Variants in MED12L observed in about 807,000 individuals in gnomAD.
MED12L encodes the protein mediator complex subunit 12L.
In MED12L, 60 loss-of-function variants were observed where a neutral mutation model predicts 281.3. The ratio of observed to expected loss-of-function variants is 0.21; its 90% CI spans 0.17 to 0.26. The LOEUF (loss-of-function observed/expected upper bound fraction) is 0.26. MED12L is among the 10% of genes least tolerant of loss of function. The pLI is 1.00. For missense variants in MED12L, 2,146 were observed against 2,680.9 expected, an observed-to-expected ratio of 0.80 and a Z score of 4.41; for synonymous variants, 974 against 987.2, an observed-to-expected ratio of 0.99 and a Z score of 0.25.
intron 25 of MED12L, among the ~76,000 whole-genome samples, chr3:151,368,693 TCA>T (rs1282165890): frequency 0.024 from 1,033 of 42,288 alleles, 9 homozygotes; most frequent in South Asian, 0.07. Flanking sequence ...TCATTTTATT[TCA>T]TTTCATTTCA....
chr3:151,355,798 G>A, intron 18 of MED12L, 98 bp from the exon 19 acceptor site: 3 of 1,035,358 alleles, frequency 2.9e-6, no homozygotes, highest in African/African-American at 1.6e-5. Flanking sequence ...GTAGAATCAT[G>A]TATAGATTCA....
At chr3:151,144,796 C>A (rs1010672696) in intron 5 of MED12L, among the ~76,000 whole-genome samples, 1 of 152,174 alleles carries the variant, frequency 6.6e-6, no homozygotes, top group Non-Finnish European at 1.5e-5. Context: ...CCAGGAACAT[C>A]CCAGAGGAAC....
In MED12L at chr3:151,432,902, A is replaced by G. The variant is rs558822294; in HGVS notation, c.*98A>G. ...CATCTTAAAAATGTCCCTTTTTTTC[A>G]TTTCTTTGACATTTTACTATATTTT... On this transcript the variant is annotated 3_prime_UTR_variant, in exon 45 of 45. Transcript: ENST00000687756. 2.2e-6 allele frequency: 2 copies of G among 900,918 alleles called. No homozygotes were observed. Among genetic ancestry groups the G allele is most frequent in the African/African-American group, 3.4e-5 (2 of 58,780 alleles). 55.8% of individuals were successfully genotyped at this position (900,918 alleles called of 1,614,324 possible). A position where few individuals can be genotyped will look rare whatever the true frequency, so the allele number is the denominator to read the frequency against.
At chr3:151,188,274 C>A in intron 12 of MED12L, 80 bp from the exon 13 acceptor site, 2 of 1,144,840 alleles carry the variant, frequency 1.7e-6, no homozygotes, top group Non-Finnish European at 2.5e-6. Context: ...CACTTAAATG[C>A]CAATAAAAAA....
chr3:151,091,899 T>C (rs1720097054), intron 2 of MED12L, among the ~76,000 whole-genome samples: 1 of 152,154 alleles, frequency 6.6e-6, no homozygotes, highest in Admixed American at 6.5e-5. Context: ...CTTCATAGAG[T>C]TGCTGGGAAG....
At chr3:151,181,944 G>A (rs1722748407) in intron 11 of MED12L, among the ~76,000 whole-genome samples, 1 of 151,942 alleles carries the variant, frequency 6.6e-6, no homozygotes, top group African/African-American at 2.4e-5. Flanking sequence ...ATTTTATGTA[G>A]CATTGTGACC....
intron 5 of MED12L, among the ~76,000 whole-genome samples, chr3:151,142,747 T>A (rs907106508): frequency 2.0e-5 from 3 of 152,192 alleles, no homozygotes; most frequent in Non-Finnish European, 4.4e-5. Context: ...TTTAATGACT[T>A]ATTTATAAAA....
intron 37 of MED12L, among the ~76,000 whole-genome samples, chr3:151,389,065 A>AATG (rs1166237793): frequency 6.6e-6 from 1 of 152,196 alleles, no homozygotes; most frequent in Non-Finnish European, 1.5e-5. Context: ...CTATTTTAGA[A>AATG]ATGACCACCA....
At chr3:151,368,677 GTC>G (rs1755710448) in intron 25 of MED12L, among the ~76,000 whole-genome samples, 8 of 95,428 alleles carry the variant, frequency 8.4e-5, no homozygotes, top group African/African-American at 7.3e-5. Context: ...TTCATTTCAT[GTC>G]ATTTCATTTT....
At chr3:151,383,989 C>A in intron 34 of MED12L, 94 bp from the exon 35 acceptor site, 1 of 1,485,312 alleles carries the variant, frequency 6.7e-7, no homozygotes, top group Non-Finnish European at 9.2e-7. Context: ...TACTTGGATG[C>A]TATTAAAAAT....
intron 16 of MED12L, among the ~76,000 whole-genome samples, chr3:151,346,934 G>A (rs1367475637): frequency 6.6e-6 from 1 of 151,998 alleles, no homozygotes; most frequent in Admixed American, 6.6e-5. Flanking sequence ...TTTATACATT[G>A]TAAATAGATT....
intron 38 of MED12L, among the ~76,000 whole-genome samples, chr3:151,393,638 A>G (rs906672959): frequency 3.9e-5 from 6 of 152,054 alleles, no homozygotes; most frequent in Admixed American, 2.6e-4. Flanking sequence ...CTTTGTAGCT[A>G]TCTATTTAGG....
chr3:151,366,139 C>A, intron 23 of MED12L, 148 bp downstream of exon 23: 10 of 586,562 alleles, frequency 1.7e-5, no homozygotes, highest in East Asian at 3.3e-5. Flanking sequence ...CAGTAAACCA[C>A]AATGACATTG....
chr3:151,366,308 A>G (rs1008625246), intron 23 of MED12L, among the ~76,000 whole-genome samples: 3 of 152,182 alleles, frequency 2.0e-5, no homozygotes, highest in Non-Finnish European at 4.4e-5. Context: ...CTTTTTACCA[A>G]CTGCCCTGGA....
intron 16 of MED12L, among the ~76,000 whole-genome samples, chr3:151,321,993 AT>A (rs1426288295): frequency 6.6e-6 from 1 of 152,160 alleles, no homozygotes; most frequent in Non-Finnish European, 1.5e-5. Flanking sequence ...GAAAATATTG[AT>A]ACACCCAGTT....
intron 33 of MED12L, among the ~76,000 whole-genome samples, chr3:151,383,476 T>C (rs1193458943): frequency 2.0e-5 from 3 of 152,198 alleles, no homozygotes; most frequent in Non-Finnish European, 4.4e-5. Flanking sequence ...CAACTATAAT[T>C]GCATCATAAA....
intron 5 of MED12L, among the ~76,000 whole-genome samples, chr3:151,153,387 G>A (rs527395706): frequency 6.6e-6 from 1 of 152,168 alleles, no homozygotes; most frequent in East Asian, 1.9e-4. Flanking sequence ...TGGACATTAA[G>A]TTCTATTTAA....
At chr3:151,357,572 A>T (rs1371224224) in intron 20 of MED12L, among the ~76,000 whole-genome samples, 196 bp downstream of exon 20, 1 of 152,178 alleles carries the variant, frequency 6.6e-6, no homozygotes, top group Non-Finnish European at 1.5e-5. Context: ...ATAATGTGTG[A>T]TTCCTTCTTC....
intron 16 of MED12L, among the ~76,000 whole-genome samples, chr3:151,261,783 G>T (rs1738958708): frequency 6.6e-6 from 1 of 152,080 alleles, no homozygotes; most frequent in African/African-American, 2.4e-5. Context: ...ACAGTGCAGT[G>T]GTATGATCTT....
Sources: gnomAD v4.1 joint callset for allele counts (sites outside exome capture counted in the v4.1 genomes callset) on GRCh38, gnomAD v4.1.1 for gene constraint, MANE v1.5 for transcripts, NCBI Gene and HGNC (gene_info 2026-07-23, HGNC 2026-07-21) for gene names.